ZNF578: variants seen among roughly 807,000 people sequenced by gnomAD.
The protein encoded by ZNF578 is Putative chemokine-related protein B42.
ZNF578 carries 8 observed loss-of-function variants against 8.3 expected under a neutral mutation model. The observed-to-expected ratio is 0.96, with a 90% CI of 0.56 to 1.74. ZNF578 has a LOEUF of 1.74. Among genes scored for constraint, ZNF578 ranks in the 40% most tolerant of loss-of-function variants. ZNF578 has a pLI of 0.00. For missense variants in ZNF578, 726 were observed against 707.5 expected (o/e 1.03, Z -0.30); for synonymous variants, 206 against 232.2 (o/e 0.89, Z 1.03).
intron 4 of ZNF578, among the ~76,000 whole-genome samples, chr19:52,503,998 A>C (rs899997982): frequency 7.2e-5 from 11 of 151,952 alleles, no homozygotes; most frequent in African/African-American, 2.7e-4. Context: ...TGGTTTTGCC[A>C]TGTTGGCCAG....
rs12462347 is a variant in ZNF578 at position 52,514,899 on chromosome 19, G to A, written c.*2745G>A. Among the ~76,000 whole-genome samples, 38,899 of 150,424 alleles carry A rather than the reference G, an allele frequency of 0.26. 5,400 individuals carry two copies. Among genetic ancestry groups the A allele is most frequent in the East Asian group, 0.48 (2,448 of 5,076 alleles). On this transcript the variant is annotated 3_prime_UTR_variant, in exon 6 of 6. Coordinates refer to ENST00000421239, the MANE Select transcript of ZNF578 (RefSeq NM_001099694.2). ...GCTGGTCTCAAACTCCTGACCTCGC[G>A]ATCCACCCGACTCAGCCTCCCACTG...
At position 52,511,031 on chromosome 19, in the gene ZNF578, TACTC is replaced by T. The variant is rs548408753; in HGVS notation, c.653_656del (p.Leu218HisfsTer8). The T allele has an allele frequency of 2.0e-5, 33 of 1,614,076 alleles. No homozygotes were observed. Among genetic ancestry groups the T allele is most frequent in the Non-Finnish European group, 2.5e-5 (29 of 1,180,038 alleles). On this transcript the variant is annotated frameshift_variant, in exon 6 of 6. Transcript: ENST00000421239. LOFTEE classifies it low-confidence loss of function (END_TRUNC). ...GGGAATAATTTTTTCCATTCATCAT[TACTC>T]ACACAAAAACAGGAAGTACACATGA...
intron 2 of ZNF578, among the ~76,000 whole-genome samples, chr19:52,461,708 A>G (rs2059258494): frequency 6.6e-6 from 1 of 152,252 alleles, no homozygotes; most frequent in Non-Finnish European, 1.5e-5. Context: ...AGGAGGCTTG[A>G]CACAACTCTG....
At chr19:52,479,736 A>T (rs912692045) in intron 2 of ZNF578, among the ~76,000 whole-genome samples, 4 of 152,130 alleles carry the variant, frequency 2.6e-5, no homozygotes, top group African/African-American at 7.2e-5. Context: ...TGGAATTCTA[A>T]AAGTAGGTAA....
chr19:52,482,191 G>C (rs577335891), intron 2 of ZNF578, among the ~76,000 whole-genome samples: 1 of 152,094 alleles, frequency 6.6e-6, no homozygotes, highest in East Asian at 1.9e-4. Context: ...GCACCACAAC[G>C]CCCGGCTAAT....
rs1387254489 is a variant in ZNF578, at chr19:52,478,161, CA to C, written c.-121-13160del. On this transcript the variant is annotated intron_variant, in intron 2 of 5. Coordinates refer to ENST00000421239, the MANE Select transcript of ZNF578 (RefSeq NM_001099694.2). ...TCCATGTCAGGTATACACTAGCAGACAAACAAGTGCAAGCCAAATGCTTTAC... is the reference window on the plus strand; with the variant it reads ...TCCATGTCAGGTATACACTAGCAGACAACAAGTGCAAGCCAAATGCTTTAC... 2.0e-5 allele frequency among the ~76,000 whole-genome samples: 3 copies of C among 152,212 alleles called. No individual in the cohort carries two copies. The East Asian group carries it at 5.8e-4, about 29-fold the overall frequency.
intron 2 of ZNF578, chr19:52,474,895 G>A: frequency 4.8e-6 from 1 of 208,870 alleles, no homozygotes; most frequent in South Asian, 7.8e-5. Context: ...CATTTGTAAG[G>A]TTTCTGTCCT....
At chr19:52,499,596 C>T (rs568661155) in intron 3 of ZNF578, among the ~76,000 whole-genome samples, 2 of 151,828 alleles carry the variant, frequency 1.3e-5, no homozygotes, top group Admixed American at 1.3e-4. Context: ...ATGGGAAATA[C>T]ATTACATTAT....
chr19:52,487,952 C>CAA (rs2059351264), intron 2 of ZNF578, among the ~76,000 whole-genome samples: 1 of 24,538 alleles, frequency 4.1e-5, no homozygotes, highest in Admixed American at 4.8e-4. Context: ...CCTACATAGC[C>CAA]CCCCCCCCTT....
rs1459022084 is a variant in ZNF578 at position 52,513,114 on chromosome 19, G to T, written c.*960G>T. Among the ~76,000 whole-genome samples the T allele has an allele frequency of 6.6e-6, 1 of 152,064 alleles. No individual in the cohort carries two copies. The highest frequency in any genetic ancestry group is 1.5e-5 in the Non-Finnish European group (1 of 68,022). On this transcript the variant is annotated 3_prime_UTR_variant, in exon 6 of 6. Transcript: ENST00000421239. ...TGACTCACAGCAACCTCCGCCTCCT[G>T]GGTTCAAGCGATTCCTCTGCCTCAG...
Position 52,512,462 on chromosome 19 carries a change from G to T in ZNF578, c.*308G>T. The T allele has an allele frequency of 1.5e-6, 2 of 1,317,222 alleles. No individual in the cohort carries two copies. The highest frequency in any genetic ancestry group is 2.2e-6 in the Non-Finnish European group (2 of 928,698). The allele number at this position is 1,317,222 out of a possible 1,614,324, so 81.6% of individuals were successfully genotyped here. The stretch of plus-strand genomic sequence containing the variant: ...AAATGTGGCAAATTTTTCAGACATC[G>T]TTCATACCTTGCAGTTCATCAGTGA... On this transcript the variant is annotated 3_prime_UTR_variant, in exon 6 of 6. Coordinates refer to ENST00000421239, the MANE Select transcript of ZNF578 (RefSeq NM_001099694.2).
intron 1 of ZNF578, chr19:52,455,193 CTTTTTTTTTTTTTT>C (rs10607252): frequency 1.0e-5 from 1 of 98,400 alleles, no homozygotes; most frequent in Non-Finnish European, 2.1e-5. Context: ...GCCTTTCTAT[CTTTTTTTTTTTTTT>C]TTTTTTTTTG....
intron 5 of ZNF578, among the ~76,000 whole-genome samples, chr19:52,509,869 T>C (rs1325122083): frequency 6.6e-6 from 1 of 152,172 alleles, no homozygotes; most frequent in African/African-American, 2.4e-5. Flanking sequence ...TTAACTTTTT[T>C]TTTCTTTTTT....
intron 2 of ZNF578, among the ~76,000 whole-genome samples, chr19:52,459,769 A>ATATATATATATTTT (rs1555751349): frequency 3.4e-4 from 6 of 17,620 alleles, no homozygotes; most frequent in Non-Finnish European, 5.0e-4. Context: ...ATATATATAT[A>ATATATATATATTTT]TTTTTTTTTT....
Position 52,510,409 on chromosome 19 carries a change from CTG to C in ZNF578, c.191-161_191-160del. Among the ~76,000 whole-genome samples, 2 of 152,018 alleles carry C rather than the reference CTG, an allele frequency of 1.3e-5. 1 individual carries two copies. The highest frequency in any genetic ancestry group is 3.8e-4 in the East Asian group (2 of 5,196). On this transcript the variant is annotated intron_variant, in intron 5 of 5. Transcript: ENST00000421239. The stretch of plus-strand genomic sequence containing the variant: ...CTTGATTTGAAGGACATGTAATTGT[CTG>C]TTATTTATTAAAGAATCTTACTACT...
At chr19:52,494,804 A>G (rs528092083) in intron 3 of ZNF578, among the ~76,000 whole-genome samples, 18 of 152,064 alleles carry the variant, frequency 1.2e-4, no homozygotes, top group East Asian at 5.8e-4. Flanking sequence ...AAAAAAAATC[A>G]CTTTCTGTTA....
At chr19:52,491,803 GA>G (rs1189495403) in intron 3 of ZNF578, among the ~76,000 whole-genome samples, 1 of 151,980 alleles carries the variant, frequency 6.6e-6, no homozygotes, top group Non-Finnish European at 1.5e-5. Context: ...TATCCACATG[GA>G]AAAGAATAAT....
intron 2 of ZNF578, among the ~76,000 whole-genome samples, chr19:52,476,491 T>C (rs1361378222): frequency 1.3e-5 from 2 of 152,160 alleles, no homozygotes; most frequent in Non-Finnish European, 2.9e-5. Context: ...TTTCTATCTG[T>C]TTTTCCAGTT....
Position 52,516,516 on chromosome 19 carries a change from A to G in ZNF578, c.*4362A>G, listed in dbSNP as rs1017341318. Among the ~76,000 whole-genome samples, 5 of 152,224 alleles carry G rather than the reference A, an allele frequency of 3.3e-5. No homozygotes were observed. The highest frequency in any genetic ancestry group is 1.9e-4 in the East Asian group (1 of 5,202). On this transcript the variant is annotated 3_prime_UTR_variant, in exon 6 of 6. Coordinates refer to ENST00000421239, the MANE Select transcript of ZNF578 (RefSeq NM_001099694.2). ...CAGGCCTCTGAGCCCAAGCTAAGCC[A>G]TCGTATCCCCTGTCACCTGCACGTA...
Sources: gnomAD v4.1 joint callset for allele counts (sites outside exome capture counted in the v4.1 genomes callset) on GRCh38, gnomAD v4.1.1 for gene constraint, MANE v1.5 for transcripts, NCBI Gene and HGNC (gene_info 2026-07-23, HGNC 2026-07-21) for gene names.